The following NOL10 variants were observed in gnomAD, a reference collection of about 807,000 sequenced individuals.
NOL10 encodes nucleolar protein 10, also known as H_NH0074G24.1.
A neutral mutation model predicts 103.5 loss-of-function variants in NOL10; 58 were observed. The observed-to-expected ratio is 0.56, with a 90% confidence interval of 0.45 to 0.70. The LOEUF (loss-of-function observed/expected upper bound fraction) is 0.70. Among genes scored for constraint, NOL10 ranks in the 30% least tolerant of loss-of-function variants. NOL10 has a pLI of 0.00. For synonymous variants in NOL10, 287 were observed against 282.5 expected, an observed-to-expected ratio of 1.02 and a Z score of -0.16; for missense variants, 763 against 807.3, an observed-to-expected ratio of 0.95 and a Z score of 0.67.
chr2:10,587,275 A>ATTTTTTTTTTTT (rs70953314), intron 19 of NOL10, among the ~76,000 whole-genome samples: 1 of 22,582 alleles, frequency 4.4e-5, no homozygotes, highest in African/African-American at 2.9e-4. Context: ...ATATATATAT[A>ATTTTTTTTTTTT]TTTTTTTTTT....
intron 20 of NOL10, among the ~76,000 whole-genome samples, chr2:10,574,633 C>G (rs1674358135): frequency 7.9e-6 from 1 of 126,648 alleles, no homozygotes; most frequent in African/African-American, 3.3e-5. Context: ...GGCAATAGAG[C>G]GAGACTCTGT....
At position 10,648,122 on chromosome 2, in the gene NOL10, G is replaced by A. The variant is rs1392360685; in HGVS notation, c.974-3750C>T. On this transcript the variant is annotated intron_variant, in intron 12 of 20. Transcript: ENST00000381685. Reference sequence around the variant, plus strand: ...GCTGCTCACTGTACAGGTGGCTGATGAGCCATAGGAGCAGGGCCCTGAACA... The same window carrying A: ...GCTGCTCACTGTACAGGTGGCTGATAAGCCATAGGAGCAGGGCCCTGAACA... Among the ~76,000 whole-genome samples, 5 of 152,316 alleles carry A rather than the reference G, an allele frequency of 3.3e-5. No individual in the cohort carries two copies. The East Asian group carries it at 5.8e-4, about 18-fold the overall frequency.
At chr2:10,602,474 T>A (rs1386361838) in intron 16 of NOL10, among the ~76,000 whole-genome samples, 1 of 152,170 alleles carries the variant, frequency 6.6e-6, no homozygotes, top group African/African-American at 2.4e-5. Flanking sequence ...ACTCCAAAAA[T>A]GGAAAACCCA....
intron 3 of NOL10, among the ~76,000 whole-genome samples, chr2:10,677,871 G>GCGTGTGTATATATGTGTGTGTA (rs1681429945): frequency 6.9e-6 from 1 of 145,898 alleles, no homozygotes; most frequent in Non-Finnish European, 1.5e-5. Context: ...GTGTGTGTGT[G>GCGTGTGTATATATGTGTGTGTA]TATACACATA....
At chr2:10,626,575 A>G (rs1677479620) in intron 13 of NOL10, among the ~76,000 whole-genome samples, 1 of 152,114 alleles carries the variant, frequency 6.6e-6, no homozygotes, top group Non-Finnish European at 1.5e-5. Context: ...TTAACTAAAG[A>G]CATCGCCACC....
Position 10,671,413 on chromosome 2 carries a change from T to C in NOL10, c.464+141A>G, listed in dbSNP as rs573389784. On this transcript the variant is annotated intron_variant, in intron 6 of 20. Transcript: ENST00000381685. The stretch of plus-strand genomic sequence containing the variant: ...GCCTATCCTGTGTTTTCTTTTCTTT[T>C]TTTTTTTTTTTTTACAAGAGCCACG... The C allele has an allele frequency of 8.0e-4, 492 of 616,720 alleles. 2 individuals are homozygous for C. Among genetic ancestry groups the C allele is most frequent in the Middle Eastern group, 1.8e-3 (6 of 3,394 alleles). 38.2% of individuals were successfully genotyped at this position (616,720 alleles called of 1,614,324 possible).
chr2:10,644,461 ACTTCT>A, intron 12 of NOL10, 89 bp from the exon 13 acceptor site: 1 of 900,616 alleles, frequency 1.1e-6, no homozygotes, highest in Non-Finnish European at 1.7e-6. Context: ...TGCCTGAGGA[ACTTCT>A]GTTAGTCAGT....
chr2:10,623,474 T>C (rs1380509482), intron 13 of NOL10, among the ~76,000 whole-genome samples: 1 of 152,158 alleles, frequency 6.6e-6, no homozygotes, highest in Non-Finnish European at 1.5e-5. Context: ...AAACATTACT[T>C]ATGGGAAAGT....
chr2:10,671,409 CTTTTTT>C, intron 6 of NOL10, 139 bp downstream of exon 6: 11 of 458,402 alleles, frequency 2.4e-5, no homozygotes, highest in South Asian at 1.6e-4. Context: ...GTTTTCTTTT[CTTTTTT>C]TTTTTTTTTT....
chr2:10,590,263 C>T (rs960506449), intron 17 of NOL10, among the ~76,000 whole-genome samples: 3 of 152,206 alleles, frequency 2.0e-5, no homozygotes, highest in Non-Finnish European at 4.4e-5. Flanking sequence ...GGTGCACCAC[C>T]GCACCCGGCT....
In NOL10 at chr2:10,689,753, A is replaced by T. The variant is rs763973301; in HGVS notation, c.66+43T>A. The T allele has an allele frequency of 7.7e-6, 12 of 1,554,924 alleles. No individual in the cohort carries two copies. In the South Asian group the frequency reaches 1.3e-4, roughly 17 times the overall value. On this transcript the variant is annotated intron_variant, in intron 1 of 20. Coordinates refer to ENST00000381685, the MANE Select transcript of NOL10 (RefSeq NM_024894.4). ...GGGCGGCTGCCCCACGAGGAGGACG[A>T]CCCCCAAGAGCTCGAGAGTGAGGGG... is the stretch of plus-strand genomic sequence containing the variant.
chr2:10,663,003 A>C lies in NOL10; in HGVS notation c.633T>G (p.Val211=), dbSNP rs759768725. 31 of 1,613,918 alleles carry C rather than the reference A, an allele frequency of 1.9e-5. No homozygotes were observed. The Admixed American group carries it at 3.8e-4, about 20-fold the overall frequency. The change falls in exon 9 of 21, where the codon GTT becomes GTG. Residue 211 remains valine (V), a synonymous_variant. Coordinates refer to ENST00000381685, the MANE Select transcript of NOL10 (RefSeq NM_024894.4). ...ECWDPRTRNR[V]GLLDCALNSV... is the part of the protein sequence containing the mutation. ...TGTTTAAGGCGCAGTCTAACAGGCC[A>C]ACTCTGTTTCGAGTTCTTGGGTCCC...
chr2:10,654,588 A>G (rs1209228866), intron 11 of NOL10, 41 bp from the exon 12 acceptor site: 12 of 1,371,934 alleles, frequency 8.7e-6, no homozygotes, highest in Middle Eastern at 3.6e-4. Context: ...AAAGTTAAAG[A>G]ACAACAACTT....
intron 13 of NOL10, among the ~76,000 whole-genome samples, chr2:10,631,895 G>A (rs552832289): frequency 6.6e-6 from 1 of 152,214 alleles, no homozygotes; most frequent in Admixed American, 6.5e-5. Context: ...TGTATTTTTA[G>A]TAGAGACGGG....
At chr2:10,662,192 G>A (rs1033061629) in intron 9 of NOL10, among the ~76,000 whole-genome samples, 14 of 152,138 alleles carry the variant, frequency 9.2e-5, no homozygotes, top group African/African-American at 1.7e-4. Flanking sequence ...AAGGGCTGTC[G>A]TATTAAATAA....
intron 12 of NOL10, among the ~76,000 whole-genome samples, chr2:10,651,777 C>T (rs1429042864): frequency 1.3e-5 from 2 of 152,028 alleles, no homozygotes; most frequent in African/African-American, 2.4e-5. Context: ...TAGGTCATTT[C>T]AATACCCTAA....
At chr2:10,663,289 C>G (rs1047916358) in intron 8 of NOL10, among the ~76,000 whole-genome samples, 1 of 151,822 alleles carries the variant, frequency 6.6e-6, no homozygotes, top group Non-Finnish European at 1.5e-5. Flanking sequence ...ACTGCTTGAA[C>G]CCGGGAGGTG....
chr2:10,684,138 C>T (rs1052560973), intron 2 of NOL10, among the ~76,000 whole-genome samples: 10 of 151,816 alleles, frequency 6.6e-5, no homozygotes, highest in Admixed American at 5.3e-4. Flanking sequence ...AAAAATTAGC[C>T]GGGCGTGGTG....
intron 13 of NOL10, among the ~76,000 whole-genome samples, chr2:10,617,709 T>C (rs1676907085): frequency 6.6e-6 from 1 of 152,096 alleles, no homozygotes; most frequent in East Asian, 1.9e-4. Context: ...AAAAACTGGA[T>C]AATGACATTC....
Sources: allele counts gnomAD v4.1 joint callset (sites outside exome capture counted in the v4.1 genomes callset), GRCh38; gene constraint gnomAD v4.1.1; transcripts MANE v1.5; gene names NCBI Gene and HGNC (gene_info 2026-07-23, HGNC 2026-07-21).